The following PPIG variants were observed in gnomAD, a reference collection of about 807,000 sequenced individuals.
PPIG encodes the protein peptidyl-prolyl cis-trans isomerase G.
Under a neutral mutation model 87.9 loss-of-function variants are expected in PPIG, and 26 were observed. That is an observed-to-expected ratio of 0.30 (90% CI 0.22 to 0.41). PPIG has a LOEUF of 0.41. PPIG is among the 10% of genes least tolerant of loss of function. The pLI is 1.00. For missense variants in PPIG, 722 were observed against 879.4 expected (o/e 0.82, Z 2.26); for synonymous variants, 308 against 276.5 (o/e 1.11, Z -1.13).
chr2:169,603,799 A>T (rs1685249794), intron 2 of PPIG, 105 bp downstream of exon 2: 3 of 518,320 alleles, frequency 5.8e-6, no homozygotes, highest in Non-Finnish European at 1.0e-5. Context: ...ATTACATAAT[A>T]ATGGTTAAGG....
chr2:169,595,268 T>C (rs1452009256), intron 1 of PPIG, among the ~76,000 whole-genome samples: 1 of 152,194 alleles, frequency 6.6e-6, no homozygotes, highest in Non-Finnish European at 1.5e-5. Context: ...GTTACCCTTT[T>C]CTTAATTTTT....
At chr2:169,590,902 G>C (rs1023263609) in intron 1 of PPIG, among the ~76,000 whole-genome samples, 3 of 152,174 alleles carry the variant, frequency 2.0e-5, no homozygotes, top group Admixed American at 6.6e-5. Context: ...AGCTACTCGG[G>C]AGGCTGAGGT....
chr2:169,590,803 G>A (rs944819459), intron 1 of PPIG, among the ~76,000 whole-genome samples: 2 of 151,904 alleles, frequency 1.3e-5, no homozygotes, highest in East Asian at 1.9e-4. Context: ...CATCTTAATC[G>A]TTAAAAATAA....
intron 1 of PPIG, 99 bp downstream of exon 1, chr2:169,584,589 G>A: frequency 2.2e-6 from 1 of 448,586 alleles, no homozygotes; most frequent in Non-Finnish European, 4.5e-6. Flanking sequence ...GAGCCGGCGC[G>A]GCTGACCGGG....
intron 12 of PPIG, among the ~76,000 whole-genome samples, chr2:169,634,271 A>AG (rs1324920713): frequency 6.6e-6 from 1 of 152,052 alleles, no homozygotes; most frequent in Non-Finnish European, 1.5e-5. Context: ...CATGTTGCCC[A>AG]GACTGGTCTT....
rs200208454 is a variant in PPIG, at chr2:169,602,221, T to TA, written c.-69-1421_-69-1420insA. On this transcript the variant is annotated intron_variant, in intron 1 of 13. Transcript: ENST00000260970. Reference sequence around the variant, plus strand: ...CTCGTGTATGATAATATTCCAAAATTCAAAAAAAAAATCTGAAACACTTCT... The same window carrying TA: ...CTCGTGTATGATAATATTCCAAAATTACAAAAAAAAAATCTGAAACACTTCT... Among the ~76,000 whole-genome samples, 215 of 124,140 alleles carry TA rather than the reference T, an allele frequency of 1.7e-3. 1 individual carries two copies. In the East Asian group the frequency reaches 0.033, roughly 19 times the overall value. The allele number at this position is 124,140 out of a possible 152,430, so 81.4% of individuals were successfully genotyped here.
At chr2:169,604,322 GC>G in intron 4 of PPIG, 61 bp downstream of exon 4, 1 of 723,500 alleles carries the variant, frequency 1.4e-6, no homozygotes, top group Non-Finnish European at 2.1e-6. Context: ...TTGCTTGCTT[GC>G]TTGGTTTTTT....
chr2:169,623,056 C>T (rs1685799282), intron 9 of PPIG, among the ~76,000 whole-genome samples: 1 of 152,038 alleles, frequency 6.6e-6, no homozygotes, highest in South Asian at 2.1e-4. Context: ...TCTCTCTTTG[C>T]AATTTTGAGA....
intron 1 of PPIG, 171 bp downstream of exon 1, chr2:169,584,661 G>A: frequency 2.6e-6 from 1 of 383,912 alleles, no homozygotes; most frequent in Non-Finnish European, 5.0e-6. Context: ...AAGTCCCTGA[G>A]GACCGCAGCA....
rs1574448557 is a variant in PPIG at position 169,608,527 on chromosome 2, A to C, written c.290-144A>C. 10 of 492,572 alleles carry C rather than the reference A, an allele frequency of 2.0e-5. No homozygotes were observed. The East Asian group carries it at 2.6e-4, about 13-fold the overall frequency. 30.5% of individuals were successfully genotyped at this position (492,572 alleles called of 1,614,324 possible). On this transcript the variant is annotated intron_variant, in intron 6 of 13. Transcript: ENST00000260970. ...GAGAGGGGAAATTGATTCATATTTGATTCTCTTCTTTCATAACCTAACTTT... is the reference window on the plus strand; with the variant it reads ...GAGAGGGGAAATTGATTCATATTTGCTTCTCTTCTTTCATAACCTAACTTT...
In PPIG at chr2:169,614,702, A is replaced by G; in HGVS notation, c.525A>G (p.Gly175=). ...PFAEVRILSC[G]ELIPKSKVKK... ...CGGAGGTACGGATACTCAGTTGTGGAGAGCTGATTCCCAAATCTAAAGGTA... is the reference window on the plus strand; with the variant it reads ...CGGAGGTACGGATACTCAGTTGTGGGGAGCTGATTCCCAAATCTAAAGGTA... The change falls in exon 9 of 14, where the codon GGA becomes GGG. Residue 175 remains glycine, a synonymous_variant. Transcript: ENST00000260970. 4 of 1,602,446 alleles carry G rather than the reference A, an allele frequency of 2.5e-6. No homozygotes were observed. The highest frequency in any genetic ancestry group is 2.5e-6 in the Non-Finnish European group (3 of 1,177,654).
In PPIG at chr2:169,619,357, G is replaced by A. The variant is rs529639419; in HGVS notation, c.547+4633G>A. On this transcript the variant is annotated intron_variant, in intron 9 of 13. Coordinates refer to ENST00000260970, the MANE Select transcript of PPIG (RefSeq NM_004792.3). Reference sequence around the variant, plus strand: ...AGAATGTATATTCTGTTGATTTGGGGTGGAGAGTTCTGTAGATGTCTATTA... The same window carrying A: ...AGAATGTATATTCTGTTGATTTGGGATGGAGAGTTCTGTAGATGTCTATTA... Among the ~76,000 whole-genome samples the A allele has an allele frequency of 2.9e-4, 44 of 152,292 alleles. No individual in the cohort carries two copies. The South Asian group carries it at 8.9e-3, about 31-fold the overall frequency.
At chr2:169,601,918 ACTC>A (rs1685195052) in intron 1 of PPIG, among the ~76,000 whole-genome samples, 1 of 151,670 alleles carries the variant, frequency 6.6e-6, no homozygotes, top group Non-Finnish European at 1.5e-5. Context: ...AAAAAAAAAA[ACTC>A]AGTAACATTT....
intron 6 of PPIG, among the ~76,000 whole-genome samples, chr2:169,608,159 C>T (rs1027465455): frequency 1.3e-5 from 2 of 152,054 alleles, no homozygotes; most frequent in African/African-American, 2.4e-5. Context: ...GTTTTATAAG[C>T]AAATAATAGA....
chr2:169,590,137 AAAAAG>A (rs774610161), intron 1 of PPIG, among the ~76,000 whole-genome samples: 10 of 151,916 alleles, frequency 6.6e-5, no homozygotes, highest in South Asian at 2.1e-4. Flanking sequence ...ACCAAAAAAA[AAAAAG>A]AAAAGAAAAG....
rs36108760 is a variant in PPIG at position 169,641,136 on chromosome 2, GCTCT to G, written c.*3616_*3619del. The stretch of plus-strand genomic sequence containing the variant: ...ATGTGGGATGTACAAAATTGTGGCC[GCTCT>G]CTTTGTGGAAGGAAAAAACATAAAT... On this transcript the variant is annotated 3_prime_UTR_variant, in exon 14 of 14. Coordinates refer to ENST00000260970, the MANE Select transcript of PPIG (RefSeq NM_004792.3). 2 of 151,798 alleles carry G rather than the reference GCTCT, an allele frequency of 1.3e-5. No individual in the cohort carries two copies. The highest frequency in any genetic ancestry group is 3.9e-4 in the East Asian group (2 of 5,184). 9.4% of individuals were successfully genotyped at this position (151,798 alleles called of 1,614,324 possible). A position where few individuals can be genotyped will look rare whatever the true frequency, so the allele number is the denominator to read the frequency against.
intron 1 of PPIG, among the ~76,000 whole-genome samples, chr2:169,600,342 C>T (rs1003171552): frequency 3.9e-5 from 6 of 152,078 alleles, no homozygotes; most frequent in African/African-American, 9.7e-5. Flanking sequence ...CCCAAAGGGC[C>T]GGGATTACAG....
chr2:169,584,374 G>A lies in PPIG; in HGVS notation c.-186G>A, dbSNP rs780748918. 1 of 471,194 alleles carries A rather than the reference G, an allele frequency of 2.1e-6. No homozygotes were observed. 29.2% of individuals were successfully genotyped at this position (471,194 alleles called of 1,614,324 possible). A position where few individuals can be genotyped will look rare whatever the true frequency, so the allele number is the denominator to read the frequency against. ...GTGCGACGCTGTCTCTCCATGCCAGGACTGAGTTGTGGGGGAGGGAGGCGG... is the reference window on the plus strand; with the variant it reads ...GTGCGACGCTGTCTCTCCATGCCAGAACTGAGTTGTGGGGGAGGGAGGCGG... On this transcript the variant is annotated 5_prime_UTR_variant, in exon 1 of 14. Coordinates refer to ENST00000260970, the MANE Select transcript of PPIG (RefSeq NM_004792.3).
chr2:169,622,969 T>G (rs1432158003), intron 9 of PPIG, among the ~76,000 whole-genome samples: 1 of 152,166 alleles, frequency 6.6e-6, no homozygotes, highest in Non-Finnish European at 1.5e-5. Flanking sequence ...ACAAAAAGAC[T>G]TCTGAAGAAA....
Sources: allele counts gnomAD v4.1 joint callset (sites outside exome capture counted in the v4.1 genomes callset), GRCh38; gene constraint gnomAD v4.1.1; transcripts MANE v1.5; gene names NCBI Gene and HGNC (gene_info 2026-07-23, HGNC 2026-07-21).